Variants in PTPRA observed in about 807,000 individuals in gnomAD.
PTPRA encodes receptor-type tyrosine-protein phosphatase alpha.
A neutral mutation model predicts 104.8 loss-of-function variants in PTPRA; 25 were observed. That is an observed-to-expected ratio of 0.24 (90% CI 0.17 to 0.33). PTPRA has a LOEUF of 0.33. PTPRA is among the 10% of genes least tolerant of loss of function. The pLI, the probability that PTPRA is intolerant of heterozygous loss-of-function variation, is 1.00. For synonymous variants in PTPRA, 323 were observed against 368.9 expected (o/e 0.88, Z 1.43); for missense variants, 765 against 1,015.3 (o/e 0.75, Z 3.35).
intron 9 of PTPRA, among the ~76,000 whole-genome samples, chr20:2,998,589 A>G (rs1247524280): frequency 6.6e-6 from 1 of 152,190 alleles, no homozygotes; most frequent in Non-Finnish European, 1.5e-5. Flanking sequence ...GAAATGCAAA[A>G]GAAATTGTGT....
At chr20:3,030,337 T>C (rs1214782089) in intron 20 of PTPRA, among the ~76,000 whole-genome samples, 1 of 152,228 alleles carries the variant, frequency 6.6e-6, no homozygotes, top group Non-Finnish European at 1.5e-5. Context: ...CTGTAGCTTA[T>C]GCTCTGTCTT....
chr20:2,865,930 G>A, the PTPRA span: 1 of 505,704 alleles, frequency 2.0e-6, no homozygotes, highest in Middle Eastern at 5.5e-4. This position sits in a 1 kb window ranked among gnomAD's most constrained non-coding sequence, Gnocchi z 5.2. Context: ...GAGGGCTGGT[G>A]GCAGGAACGC....
At chr20:2,930,646 C>G (rs1289486358) in intron 2 of PTPRA, among the ~76,000 whole-genome samples, 1 of 152,162 alleles carries the variant, frequency 6.6e-6, no homozygotes, top group Non-Finnish European at 1.5e-5. Flanking sequence ...AATGATCACT[C>G]AAATCCTCTT....
Position 2,950,796 on chromosome 20 carries a change from C to T in PTPRA, c.-7+2772C>T, listed in dbSNP as rs1301225082. On this transcript the variant is annotated intron_variant, in intron 3 of 23. Coordinates refer to ENST00000399903, the MANE Select transcript of PTPRA (RefSeq NM_001385305.1). The surrounding 1 kb of genome is among the most constrained non-coding windows in gnomAD (Gnocchi z 4.0). ...ATTGATTATTCCTATAATTCTTAAA[C>T]AACTTTATAATTGATGTAACAATAA... Among the ~76,000 whole-genome samples, 1 of 152,018 alleles carries T rather than the reference C, an allele frequency of 6.6e-6. No homozygotes were observed. The highest frequency in any genetic ancestry group is 1.5e-5 in the Non-Finnish European group (1 of 67,980).
chr20:2,875,885 C>G (rs942953636), intron 1 of PTPRA, among the ~76,000 whole-genome samples: 3 of 152,036 alleles, frequency 2.0e-5, no homozygotes, highest in Non-Finnish European at 4.4e-5. Flanking sequence ...GGGGGGCCTT[C>G]GGATCATGAA....
intron 9 of PTPRA, among the ~76,000 whole-genome samples, chr20:3,004,116 C>T (rs575046178): frequency 2.5e-4 from 38 of 152,294 alleles, no homozygotes; most frequent in African/African-American, 8.7e-4. Flanking sequence ...CTCCCAGGTT[C>T]AAGCGATTCT....
At chr20:2,885,792 G>A (rs2090347341) in intron 1 of PTPRA, among the ~76,000 whole-genome samples, 1 of 152,300 alleles carries the variant, frequency 6.6e-6, no homozygotes, top group South Asian at 2.1e-4. Flanking sequence ...GAGGCTGGGC[G>A]TGGTGGCCCA....
intron 5 of PTPRA, among the ~76,000 whole-genome samples, chr20:2,965,588 A>G (rs573827236): frequency 6.6e-6 from 1 of 152,252 alleles, no homozygotes; most frequent in South Asian, 2.1e-4. Context: ...GGAAAGGAGA[A>G]TGGGTATTGA....
intron 1 of PTPRA, among the ~76,000 whole-genome samples, chr20:2,912,615 C>A (rs1049499641): frequency 6.6e-6 from 1 of 152,184 alleles, no homozygotes; most frequent in African/African-American, 2.4e-5. Flanking sequence ...CAGAGTGAGA[C>A]CCTGTCTCAA....
chr20:2,876,588 TG>T (rs1319969263), intron 1 of PTPRA, among the ~76,000 whole-genome samples: 3 of 152,266 alleles, frequency 2.0e-5, no homozygotes, highest in Non-Finnish European at 4.4e-5. Flanking sequence ...GTAACATCTT[TG>T]GGTTAAATAT....
In PTPRA at chr20:3,015,843, C is replaced by T. The variant is rs370491747; in HGVS notation, c.907-6C>T. 44 of 1,551,804 alleles carry T rather than the reference C, an allele frequency of 2.8e-5. No homozygotes were observed. Among genetic ancestry groups the T allele is most frequent in the Non-Finnish European group, 3.8e-5 (43 of 1,124,654 alleles). On this transcript the variant is annotated splice_polypyrimidine_tract_variant and splice_region_variant and intron_variant, in intron 11 of 23. Coordinates refer to ENST00000399903, the MANE Select transcript of PTPRA (RefSeq NM_001385305.1). ...CTTTCTTTTTCTTTCCTTCCCCACA[C>T]CCCAGGGCTACCAAGAAAAGAACAA... is the stretch of plus-strand genomic sequence containing the variant.
intron 1 of PTPRA, among the ~76,000 whole-genome samples, chr20:2,901,611 C>A (rs1465164963): frequency 3.3e-5 from 5 of 152,050 alleles, no homozygotes; most frequent in Admixed American, 6.6e-5. Flanking sequence ...GAACCTGTTA[C>A]TTATGTTATA....
intron 3 of PTPRA, among the ~76,000 whole-genome samples, chr20:2,961,122 T>C (rs2061740711): frequency 6.6e-6 from 1 of 152,104 alleles, no homozygotes; most frequent in African/African-American, 2.4e-5. Flanking sequence ...GTGGCATAAG[T>C]TTTCATCTCA....
chr20:2,917,490 A>G (rs569427035), intron 1 of PTPRA, among the ~76,000 whole-genome samples: 3 of 152,062 alleles, frequency 2.0e-5, no homozygotes, highest in African/African-American at 7.2e-5. Context: ...TGGGCCCAAT[A>G]CAGAGGTCAG....
intron 11 of PTPRA, among the ~76,000 whole-genome samples, chr20:3,014,102 C>T (rs2064317639): frequency 6.6e-6 from 1 of 152,172 alleles, no homozygotes; most frequent in African/African-American, 2.4e-5. Flanking sequence ...TTCTTAAGGA[C>T]TTCTCAGTTT....
chr20:3,024,023 C>G (rs944476017), intron 16 of PTPRA, among the ~76,000 whole-genome samples: 2 of 152,174 alleles, frequency 1.3e-5, no homozygotes, highest in African/African-American at 2.4e-5. Context: ...AGGGAACAGG[C>G]AGCTGAAAGA....
At chr20:2,888,493 A>C (rs765626692) in intron 1 of PTPRA, among the ~76,000 whole-genome samples, 23 of 152,048 alleles carry the variant, frequency 1.5e-4, no homozygotes, top group Non-Finnish European at 2.9e-4. Flanking sequence ...CAGGAGATCA[A>C]GGCTGCAGTG....
chr20:2,951,321 C>T (rs1336149827), intron 3 of PTPRA, among the ~76,000 whole-genome samples: 1 of 152,236 alleles, frequency 6.6e-6, no homozygotes, highest in African/African-American at 2.4e-5. Flanking sequence ...AGGATGGTCT[C>T]GATCTCCTGA....
At chr20:3,007,289 G>A in intron 10 of PTPRA, 55 bp from the exon 11 acceptor site, 1 of 1,548,868 alleles carries the variant, frequency 6.5e-7, no homozygotes, top group Non-Finnish European at 8.9e-7. Context: ...GTTGCGTCAG[G>A]TTCTGTGAGA....
Sources: allele counts gnomAD v4.1 joint callset (sites outside exome capture counted in the v4.1 genomes callset), GRCh38; gene constraint gnomAD v4.1.1; non-coding constraint Gnocchi (gnomAD v3.1); transcripts MANE v1.5; gene names NCBI Gene and HGNC (gene_info 2026-07-23, HGNC 2026-07-21).